LRP2: variants seen among roughly 807,000 people sequenced by gnomAD.
The protein encoded by LRP2 is low-density lipoprotein receptor-related protein 2.
Under a neutral mutation model 531.0 loss-of-function variants are expected in LRP2, and 172 were observed. The observed-to-expected ratio is 0.32, with a 90% confidence interval of 0.29 to 0.37. The LOEUF is 0.37. Ranked by LOEUF, LRP2 falls within the 10% of genes least tolerant of loss-of-function variation. LRP2 has a pLI of 1.00. For synonymous variants in LRP2, 1,992 were observed against 2,027.6 expected (o/e 0.98, Z 0.47); for missense variants, 5,167 against 5,868.3 (o/e 0.88, Z 3.90).
chr2:169,235,790 A>T, intron 29 of LRP2, 50 bp downstream of exon 29: 2 of 1,369,618 alleles, frequency 1.5e-6, no homozygotes, highest in Non-Finnish European at 2.1e-6. Flanking sequence ...TCTGATTTCT[A>T]CCTATCCACG....
At position 169,132,576 on chromosome 2, in the gene LRP2, G is replaced by C; in HGVS notation, c.13726C>G (p.Gln4576Glu). ...TTTCAGGAGTCGGCAACTGTTACCTGAGTTCCATCAGCAGCTGGTGAAGTT... is the reference window on the plus strand; with the variant it reads ...TTTCAGGAGTCGGCAACTGTTACCTCAGTTCCATCAGCAGCTGGTGAAGTT... ...NPTSPAADGT[Q>E]VTKWNLFKRK... The change falls in exon 77 of 79, where the codon CAG becomes GAG. Residue 4576 changes from glutamine (Q) to glutamate (E), a missense_variant and splice_region_variant. Transcript: ENST00000649046. 1 of 1,584,412 alleles carries C rather than the reference G, an allele frequency of 6.3e-7. No homozygotes were observed. The highest frequency in any genetic ancestry group is 2.2e-5 in the East Asian group (1 of 44,742).
intron 9 of LRP2, among the ~76,000 whole-genome samples, 178 bp downstream of exon 9, chr2:169,288,848 A>C (rs1367538631): frequency 6.6e-6 from 1 of 152,136 alleles, no homozygotes; most frequent in East Asian, 1.9e-4. Flanking sequence ...ACACCACACC[A>C]AACCTTCTCA....
chr2:169,336,438 G>A (rs986879160), intron 1 of LRP2, among the ~76,000 whole-genome samples: 3 of 152,058 alleles, frequency 2.0e-5, no homozygotes, highest in African/African-American at 7.2e-5. Context: ...TACTCAGGAG[G>A]CTGAGGCAGG....
At chr2:169,258,175 T>C (rs1349387291) in intron 17 of LRP2, among the ~76,000 whole-genome samples, 2 of 152,138 alleles carry the variant, frequency 1.3e-5, no homozygotes, top group African/African-American at 2.4e-5. Context: ...AAACAGACTT[T>C]TTTAGGCACA....
At chr2:169,264,758 G>A (rs1433681079) in intron 16 of LRP2, among the ~76,000 whole-genome samples, 5 of 151,986 alleles carry the variant, frequency 3.3e-5, no homozygotes, top group South Asian at 2.1e-4. Flanking sequence ...AGGCAGGGGC[G>A]AGGAACTAAG....
At chr2:169,324,268 C>T (rs959462105) in intron 1 of LRP2, among the ~76,000 whole-genome samples, 2 of 152,118 alleles carry the variant, frequency 1.3e-5, no homozygotes, top group African/African-American at 4.8e-5. Context: ...CTGATTCCAG[C>T]ATTCGTGCTA....
intron 3 of LRP2, among the ~76,000 whole-genome samples, chr2:169,309,491 C>T (rs1311481603): frequency 2.0e-5 from 3 of 152,116 alleles, no homozygotes; most frequent in South Asian, 4.1e-4. Context: ...ATCCTTTTCC[C>T]GTTTCTTGTT....
chr2:169,152,595 C>T (rs1465384441), intron 67 of LRP2, among the ~76,000 whole-genome samples: 22 of 152,054 alleles, frequency 1.4e-4, no homozygotes, highest in South Asian at 6.2e-4. Flanking sequence ...ACAAAGAATA[C>T]AGGATATGAT....
At chr2:169,139,392 G>C in intron 73 of LRP2, 21 bp from the exon 74 acceptor site, 1 of 1,614,142 alleles carries the variant, frequency 6.2e-7, no homozygotes, top group Non-Finnish European at 8.5e-7. Context: ...AGATAGCAGA[G>C]AGCACATCAA....
intron 1 of LRP2, among the ~76,000 whole-genome samples, chr2:169,347,571 A>G (rs866948664): frequency 9.9e-5 from 15 of 151,410 alleles, no homozygotes; most frequent in African/African-American, 3.4e-4. Flanking sequence ...GAATTAAAAG[A>G]CACATAATTA....
At chr2:169,214,541 G>C (rs763928064) in intron 35 of LRP2, among the ~76,000 whole-genome samples, 3 of 151,942 alleles carry the variant, frequency 2.0e-5, no homozygotes, top group Non-Finnish European at 4.4e-5. Flanking sequence ...GTATTGGCGA[G>C]AGACACAGTG....
At chr2:169,197,101 C>G in intron 45 of LRP2, 71 bp from the exon 46 acceptor site, 2 of 1,572,056 alleles carry the variant, frequency 1.3e-6, no homozygotes, top group Non-Finnish European at 1.7e-6. Context: ...TAACAATCTG[C>G]CTCTATCTCT....
intron 61 of LRP2, among the ~76,000 whole-genome samples, chr2:169,167,442 G>C (rs1055188166): frequency 6.6e-6 from 1 of 152,106 alleles, no homozygotes; most frequent in Non-Finnish European, 1.5e-5. Flanking sequence ...TGTCTCCTAG[G>C]TTAAGGGCTT....
chr2:169,359,622 G>T (rs1686090161), intron 1 of LRP2, among the ~76,000 whole-genome samples: 1 of 152,108 alleles, frequency 6.6e-6, no homozygotes, highest in Non-Finnish European at 1.5e-5. Flanking sequence ...GACATTCAGA[G>T]GAAATGCGTC....
chr2:169,159,671 C>T (rs114978281), intron 63 of LRP2, among the ~76,000 whole-genome samples: 1,590 of 152,188 alleles, frequency 0.01, 29 homozygotes, highest in African/African-American at 0.035. Context: ...CATAGTATTT[C>T]CTTACTGTCC....
intron 21 of LRP2, among the ~76,000 whole-genome samples, chr2:169,245,303 C>T (rs946410061): frequency 6.6e-6 from 1 of 152,134 alleles, no homozygotes; most frequent in African/African-American, 2.4e-5. Context: ...TAAAGCTCAT[C>T]CTTAACTTTC....
intron 9 of LRP2, among the ~76,000 whole-genome samples, chr2:169,286,308 T>C (rs1683856485): frequency 6.6e-6 from 1 of 152,214 alleles, no homozygotes; most frequent in Admixed American, 6.5e-5. Flanking sequence ...AGGTTGTCTG[T>C]ACTAAAGTCC....
chr2:169,205,691 T>C lies in LRP2; in HGVS notation c.7557-54A>G, dbSNP rs549643355. 2.6e-3 allele frequency: 3,136 copies of C among 1,221,932 alleles called. 44 individuals are homozygous for C. The African/African-American group carries it at 0.044, about 17-fold the overall frequency. 75.7% of individuals were successfully genotyped at this position (1,221,932 alleles called of 1,614,324 possible). A position where few individuals can be genotyped will look rare whatever the true frequency, so the allele number is the denominator to read the frequency against. ...ATTCACAGGGAACCTCATAGTCCTT[T>C]AAAAAAAAAAAAAAGGACAATATTC... On this transcript the variant is annotated intron_variant, in intron 40 of 78. Coordinates refer to ENST00000649046, the MANE Select transcript of LRP2 (RefSeq NM_004525.3).
intron 1 of LRP2, among the ~76,000 whole-genome samples, chr2:169,321,877 A>G (rs1684917731): frequency 6.6e-6 from 1 of 152,194 alleles, no homozygotes; most frequent in Non-Finnish European, 1.5e-5. Flanking sequence ...ACTTCACTGA[A>G]CTAATATATC....
Sources: gnomAD v4.1 joint callset for allele counts (sites outside exome capture counted in the v4.1 genomes callset) on GRCh38, gnomAD v4.1.1 for gene constraint, MANE v1.5 for transcripts, NCBI Gene and HGNC (gene_info 2026-07-23, HGNC 2026-07-21) for gene names.